Variants in SPATA6 observed in about 807,000 individuals in gnomAD.
SPATA6 encodes the protein spermatogenesis-associated protein 6.
In SPATA6, 56 loss-of-function variants were observed where a neutral mutation model predicts 65.3. The observed-to-expected ratio is 0.86, with a 90% CI of 0.69 to 1.07. The LOEUF is 1.07. Among genes scored for constraint, SPATA6 ranks in the 50% least tolerant of loss-of-function variants. The pLI, the probability that SPATA6 is intolerant of heterozygous loss-of-function variation, is 0.00. For missense variants in SPATA6, 590 were observed against 594.8 expected, an observed-to-expected ratio of 0.99 and a Z score of 0.08; for synonymous variants, 199 against 213.2, an observed-to-expected ratio of 0.93 and a Z score of 0.58.
intron 5 of SPATA6, among the ~76,000 whole-genome samples, chr1:48,409,392 T>C (rs1267353803): frequency 6.6e-6 from 1 of 152,208 alleles, no homozygotes; most frequent in Non-Finnish European, 1.5e-5. Context: ...GCCTCCCTAA[T>C]GGCTGCCTTC....
chr1:48,379,328 G>T (rs1648283138), intron 9 of SPATA6, among the ~76,000 whole-genome samples: 2 of 152,174 alleles, frequency 1.3e-5, no homozygotes, highest in South Asian at 4.1e-4. Flanking sequence ...GGTGGGAATT[G>T]TCCATCTCTT....
At chr1:48,389,103 C>G (rs1401723818) in intron 8 of SPATA6, among the ~76,000 whole-genome samples, 7 of 152,048 alleles carry the variant, frequency 4.6e-5, no homozygotes, top group Non-Finnish European at 4.4e-5. Flanking sequence ...CCTCGGCCTC[C>G]CAAAGTGCTG....
chr1:48,300,517 T>G (rs1410869872), intron 12 of SPATA6, among the ~76,000 whole-genome samples: 2 of 152,100 alleles, frequency 1.3e-5, no homozygotes, highest in Non-Finnish European at 2.9e-5. Flanking sequence ...ATAAGAAGTC[T>G]ACTCAAAATA....
At chr1:48,428,502 C>T (rs1395468721) in intron 3 of SPATA6, among the ~76,000 whole-genome samples, 4 of 151,554 alleles carry the variant, frequency 2.6e-5, no homozygotes, top group African/African-American at 9.7e-5. Flanking sequence ...TTGTGCATTG[C>T]ACATATATTA....
intron 3 of SPATA6, among the ~76,000 whole-genome samples, chr1:48,433,611 GACT>G (rs1372861531): frequency 2.0e-5 from 3 of 152,090 alleles, no homozygotes; most frequent in African/African-American, 7.2e-5. Flanking sequence ...TTACGTGCCA[GACT>G]ACTATTAAAC....
Position 48,387,847 on chromosome 1 carries a change from A to G in SPATA6, c.869-2498T>C, listed in dbSNP as rs1452924348. On this transcript the variant is annotated intron_variant, in intron 8 of 12. Coordinates refer to ENST00000371847, the MANE Select transcript of SPATA6 (RefSeq NM_019073.4). ...TTCAAGCCTGGGGACTGGCACACCT[A>G]GACGATCTCAGCCACTGTCAAAAAC... 3.9e-5 allele frequency among the ~76,000 whole-genome samples: 6 copies of G among 152,166 alleles called. No individual in the cohort carries two copies. The East Asian group carries it at 9.6e-4, about 24-fold the overall frequency.
intron 3 of SPATA6, among the ~76,000 whole-genome samples, chr1:48,430,043 A>C (rs149325793): frequency 3.4e-4 from 52 of 152,316 alleles, no homozygotes; most frequent in Middle Eastern, 3.4e-3. Flanking sequence ...TCCATGAAGG[A>C]GGAAAGAGAG....
At chr1:48,311,682 T>C (rs1645213221) in intron 11 of SPATA6, among the ~76,000 whole-genome samples, 1 of 152,096 alleles carries the variant, frequency 6.6e-6, no homozygotes, top group Non-Finnish European at 1.5e-5. Context: ...CCAACTGAGG[T>C]ACCAGGTTCA....
the SPATA6 span, among the ~76,000 whole-genome samples, chr1:48,266,975 T>C: frequency 9.7e-3 from 1,479 of 152,264 alleles, 24 homozygotes; most frequent in South Asian, 0.05. Flanking sequence ...TCCTTTTCAA[T>C]ATAATATTTT....
intron 11 of SPATA6, among the ~76,000 whole-genome samples, chr1:48,346,243 T>C (rs1043003578): frequency 6.6e-6 from 1 of 152,150 alleles, no homozygotes; most frequent in African/African-American, 2.4e-5. Context: ...ATTATCTCAA[T>C]AGATACAGAA....
chr1:48,463,820 C>T (rs144641311), intron 1 of SPATA6, among the ~76,000 whole-genome samples: 1 of 151,790 alleles, frequency 6.6e-6, no homozygotes, highest in Non-Finnish European at 1.5e-5. Context: ...AATCTCTCTA[C>T]AAATACAAAT....
At chr1:48,283,871 T>G in the SPATA6 span, among the ~76,000 whole-genome samples, 1 of 152,110 alleles carries the variant, frequency 6.6e-6, no homozygotes, top group Non-Finnish European at 1.5e-5. Flanking sequence ...ATTTTTTCAT[T>G]GATTTCAACC....
intron 8 of SPATA6, among the ~76,000 whole-genome samples, chr1:48,389,048 T>C (rs748928327): frequency 2.0e-5 from 3 of 152,116 alleles, no homozygotes; most frequent in Non-Finnish European, 4.4e-5. Context: ...TTTCACCATG[T>C]TGGCCAGGCT....
intron 1 of SPATA6, among the ~76,000 whole-genome samples, chr1:48,459,520 T>C: frequency 6.6e-6 from 1 of 152,202 alleles, no homozygotes; most frequent in Non-Finnish European, 1.5e-5. Context: ...TGAATTTCAG[T>C]ACTTCCCTTT....
intron 9 of SPATA6, among the ~76,000 whole-genome samples, chr1:48,368,290 G>A (rs558473942): frequency 3.3e-5 from 5 of 152,142 alleles, no homozygotes; most frequent in South Asian, 4.1e-4. Flanking sequence ...TGCTCTTCTC[G>A]AGGAGTATCT....
intron 3 of SPATA6, among the ~76,000 whole-genome samples, chr1:48,443,331 C>T (rs1228288496): frequency 6.6e-6 from 1 of 152,156 alleles, no homozygotes; most frequent in Non-Finnish European, 1.5e-5. Flanking sequence ...AGAAATCAGA[C>T]CCTATCAGTG....
intron 8 of SPATA6, among the ~76,000 whole-genome samples, chr1:48,387,103 A>G (rs1231797424): frequency 6.6e-6 from 1 of 152,190 alleles, no homozygotes; most frequent in East Asian, 1.9e-4. Context: ...TCTTACATGG[A>G]TGGCAGCAGG....
chr1:48,326,072 T>C (rs1489187127), intron 11 of SPATA6: 4 of 158,942 alleles, frequency 2.5e-5, no homozygotes, highest in Admixed American at 1.3e-4. Context: ...CCTGCCCAGG[T>C]TGGGCAGTGG....
chr1:48,456,257 T>A (rs1458444834), intron 1 of SPATA6, among the ~76,000 whole-genome samples: 1 of 152,202 alleles, frequency 6.6e-6, no homozygotes, highest in Admixed American at 6.5e-5. Flanking sequence ...GGCCACTCTT[T>A]AGGAGAACAT....
Sources: allele counts gnomAD v4.1 joint callset (sites outside exome capture counted in the v4.1 genomes callset), GRCh38; gene constraint gnomAD v4.1.1; transcripts MANE v1.5; gene names NCBI Gene and HGNC (gene_info 2026-07-23, HGNC 2026-07-21).